The following ITGBL1 variants were observed in gnomAD, a reference collection of about 807,000 sequenced individuals.
ITGBL1 encodes integrin subunit beta like 1.
In ITGBL1, 51 loss-of-function variants were observed where a neutral mutation model predicts 68.5. That is an observed-to-expected ratio of 0.74 (90% CI 0.59 to 0.94). ITGBL1 has a LOEUF of 0.94. Among genes scored for constraint, ITGBL1 ranks in the 40% least tolerant of loss-of-function variants. ITGBL1 has a pLI of 0.00. For missense variants in ITGBL1, 649 were observed against 647.4 expected, an observed-to-expected ratio of 1.00 and a Z score of -0.03; for synonymous variants, 209 against 227.3, an observed-to-expected ratio of 0.92 and a Z score of 0.72.
chr13:101,510,560 T>C (rs543388373), intron 2 of ITGBL1, among the ~76,000 whole-genome samples: 66 of 152,290 alleles, frequency 4.3e-4, no homozygotes, highest in Non-Finnish European at 7.2e-4. Context: ...TTAAGTTCTT[T>C]GAGAAATCTC....
At chr13:101,630,342 TTCTC>T (rs1468239442) in intron 7 of ITGBL1, among the ~76,000 whole-genome samples, 4 of 152,302 alleles carry the variant, frequency 2.6e-5, no homozygotes, top group East Asian at 1.9e-4. Flanking sequence ...AATATTTTCT[TTCTC>T]TCTAAATGCT....
intron 2 of ITGBL1, among the ~76,000 whole-genome samples, chr13:101,556,071 G>T (rs961905776): frequency 2.0e-5 from 3 of 152,180 alleles, no homozygotes; most frequent in African/African-American, 7.2e-5. Context: ...TGTTCTAAGT[G>T]CTTTGTGCAT....
intron 2 of ITGBL1, among the ~76,000 whole-genome samples, chr13:101,562,744 G>A (rs1436090628): frequency 2.6e-5 from 4 of 151,772 alleles, no homozygotes; most frequent in Non-Finnish European, 5.9e-5. Flanking sequence ...TCTCATAGTC[G>A]ACAGAACAAG....
At chr13:101,500,960 A>G (rs1254988991) in intron 2 of ITGBL1, among the ~76,000 whole-genome samples, 4 of 152,168 alleles carry the variant, frequency 2.6e-5, no homozygotes, top group Admixed American at 2.0e-4. Context: ...ATCTAACCTA[A>G]TTGCTCTTCC....
intron 8 of ITGBL1, among the ~76,000 whole-genome samples, chr13:101,693,420 T>A (rs2033926671): frequency 6.6e-6 from 1 of 152,168 alleles, no homozygotes. Context: ...TTATATCCCT[T>A]TATTGGGGGA....
chr13:101,589,134 G>T (rs957276784), intron 6 of ITGBL1, among the ~76,000 whole-genome samples: 12 of 152,078 alleles, frequency 7.9e-5, no homozygotes, highest in Non-Finnish European at 1.5e-4. Flanking sequence ...TACTGAAAAA[G>T]CAAAAGTTAT....
intron 3 of ITGBL1, among the ~76,000 whole-genome samples, chr13:101,572,659 T>G (rs2050292052): frequency 6.6e-6 from 1 of 152,034 alleles, no homozygotes; most frequent in Non-Finnish European, 1.5e-5. Context: ...GGAGGCTCCG[T>G]TGTGAATTCT....
intron 7 of ITGBL1, among the ~76,000 whole-genome samples, chr13:101,680,424 G>GA (rs199643282): frequency 2.7e-4 from 39 of 146,744 alleles, no homozygotes; most frequent in East Asian, 4.0e-4. Context: ...TTTAAAAAGT[G>GA]AAAAAAAAAA....
At chr13:101,608,837 C>T (rs1017173602) in intron 7 of ITGBL1, among the ~76,000 whole-genome samples, 4 of 151,994 alleles carry the variant, frequency 2.6e-5, no homozygotes, top group African/African-American at 7.2e-5. Context: ...AAATAAATGA[C>T]CCTGCAAAAT....
At chr13:101,691,856 T>C (rs1185406796) in intron 7 of ITGBL1, among the ~76,000 whole-genome samples, 2 of 152,280 alleles carry the variant, frequency 1.3e-5, no homozygotes, top group South Asian at 2.1e-4. Flanking sequence ...TTCTAGTCAA[T>C]GTGTGGTGTT....
chr13:101,714,036 CTAATT>C (rs572782804), intron 9 of ITGBL1: 5 of 159,560 alleles, frequency 3.1e-5, no homozygotes, highest in Non-Finnish European at 6.8e-5. Context: ...GAAATGCAAC[CTAATT>C]TAATACAATT....
intron 6 of ITGBL1, among the ~76,000 whole-genome samples, chr13:101,593,940 A>G (rs926222467): frequency 6.6e-6 from 1 of 152,286 alleles, no homozygotes; most frequent in East Asian, 1.9e-4. Context: ...TGATAAATGC[A>G]TAAGGTGATC....
chr13:101,505,875 A>G (rs1423289066), intron 2 of ITGBL1, among the ~76,000 whole-genome samples: 1 of 152,186 alleles, frequency 6.6e-6, no homozygotes, highest in African/African-American at 2.4e-5. Context: ...AAACTATTAA[A>G]CTGGCAACAG....
At chr13:101,471,532 ATGTGTGTGTG>A (rs150659546) in intron 2 of ITGBL1, among the ~76,000 whole-genome samples, 24,886 of 109,600 alleles carry the variant, frequency 0.23, 2,395 homozygotes, top group East Asian at 0.35. Context: ...GTGTGTATGT[ATGTGTGTGTG>A]TGTGTGTGTG....
At chr13:101,549,017 G>A (rs1279190495) in intron 2 of ITGBL1, among the ~76,000 whole-genome samples, 1 of 151,800 alleles carries the variant, frequency 6.6e-6, no homozygotes, top group African/African-American at 2.4e-5. Flanking sequence ...ACATTTAAAA[G>A]TCTGGCAGTC....
chr13:101,665,100 AT>A (rs942038643), intron 7 of ITGBL1, among the ~76,000 whole-genome samples: 52 of 149,824 alleles, frequency 3.5e-4, no homozygotes, highest in African/African-American at 9.3e-4. Context: ...CTGTCCACCA[AT>A]TTTTTTTTTC....
intron 8 of ITGBL1, among the ~76,000 whole-genome samples, chr13:101,693,477 G>A (rs950292276): frequency 2.6e-5 from 4 of 152,126 alleles, no homozygotes; most frequent in African/African-American, 9.7e-5. Flanking sequence ...TAAGTTCAGG[G>A]ATGCATAGGT....
In ITGBL1 at chr13:101,590,390, T is replaced by C. The variant is rs564304053; in HGVS notation, c.868+7034T>C. On this transcript the variant is annotated intron_variant, in intron 6 of 10. Coordinates refer to ENST00000376180, the MANE Select transcript of ITGBL1 (RefSeq NM_004791.3). ...CTGCCTTTATCCCCAAGGTTTCTATTTTATTTTCCCTCCCCAGGGAGGGAA... is the reference window on the plus strand; with the variant it reads ...CTGCCTTTATCCCCAAGGTTTCTATCTTATTTTCCCTCCCCAGGGAGGGAA... 3.5e-4 allele frequency among the ~76,000 whole-genome samples: 53 copies of C among 152,212 alleles called. 1 individual carries two copies. In the South Asian group the frequency reaches 0.011, roughly 31 times the overall value.
intron 2 of ITGBL1, among the ~76,000 whole-genome samples, chr13:101,463,558 T>C (rs2048344518): frequency 6.6e-6 from 1 of 152,114 alleles, no homozygotes; most frequent in Admixed American, 6.5e-5. Context: ...ATTTGGAATT[T>C]TCATGCTTTT....
Sources: allele counts gnomAD v4.1 joint callset (sites outside exome capture counted in the v4.1 genomes callset), GRCh38; gene constraint gnomAD v4.1.1; transcripts MANE v1.5; gene names NCBI Gene and HGNC (gene_info 2026-07-23, HGNC 2026-07-21).